THSD4: variants seen among roughly 807,000 people sequenced by gnomAD.
THSD4 encodes thrombospondin type-1 domain-containing protein 4.
Under a neutral mutation model 119.0 loss-of-function variants are expected in THSD4, and 69 were observed. The observed-to-expected ratio is 0.58, with a 90% CI of 0.48 to 0.71. The LOEUF (loss-of-function observed/expected upper bound fraction) is 0.71. Among genes scored for constraint, THSD4 ranks in the 30% least tolerant of loss-of-function variants. The pLI is 0.00. For missense variants in THSD4, 1,393 were observed against 1,391.1 expected (o/e 1.00, Z -0.02); for synonymous variants, 524 against 540.4 (o/e 0.97, Z 0.42).
intron 7 of THSD4, chr15:71,547,297 G>C: frequency 6.6e-7 from 1 of 1,508,668 alleles, no homozygotes; most frequent in Non-Finnish European, 8.9e-7. Context: ...GGGAACCAGC[G>C]CGGTGCCTAG....
At chr15:71,308,160 T>A (rs2045058671) in intron 6 of THSD4, among the ~76,000 whole-genome samples, 2 of 152,176 alleles carry the variant, frequency 1.3e-5, no homozygotes, top group South Asian at 4.2e-4. Flanking sequence ...AAAACACTCT[T>A]ATCAGGACAG....
intron 7 of THSD4, among the ~76,000 whole-genome samples, chr15:71,423,509 TG>T (rs1373193075): frequency 6.6e-6 from 1 of 152,178 alleles, no homozygotes; most frequent in African/African-American, 2.4e-5. Flanking sequence ...CGGCCTGGAA[TG>T]GGGGCCTCAG....
intron 14 of THSD4, among the ~76,000 whole-genome samples, chr15:71,749,165 C>T (rs767229586): frequency 5.9e-4 from 90 of 152,244 alleles, no homozygotes; most frequent in Admixed American, 1.4e-3. Context: ...ATGTTGGTTA[C>T]ACAACAGCAT....
At chr15:71,402,893 T>A (rs1284593754) in intron 6 of THSD4, among the ~76,000 whole-genome samples, 1 of 152,222 alleles carries the variant, frequency 6.6e-6, no homozygotes, top group East Asian at 1.9e-4. Context: ...TTAATACCTT[T>A]TGGTTTTTAG....
At chr15:71,111,016 C>T (rs764691162), upstream of THSD4, 34 of 980,822 alleles carry the variant, frequency 3.5e-5, no homozygotes, top group Non-Finnish European at 5.1e-5. Context: ...GTCTGCATGT[C>T]CTAAGGAGAA....
intron 6 of THSD4, chr15:71,343,017 T>A (rs1309935115): frequency 6.6e-6 from 1 of 152,284 alleles, no homozygotes; most frequent in East Asian, 1.9e-4. Context: ...AGAGCCTTTG[T>A]GCTTACTGGG....
chr15:71,249,584 T>C (rs1195313102), intron 5 of THSD4, among the ~76,000 whole-genome samples: 2 of 150,710 alleles, frequency 1.3e-5, no homozygotes, highest in East Asian at 2.0e-4. Flanking sequence ...TAGAAAGTTG[T>C]TCTCTTATTG....
chr15:71,432,373 C>T (rs2140535272), intron 7 of THSD4, among the ~76,000 whole-genome samples: 1 of 152,282 alleles, frequency 6.6e-6, no homozygotes, highest in South Asian at 2.1e-4. Flanking sequence ...CATTGTGAAA[C>T]AATCATTTGT....
At chr15:71,692,119 A>G (rs1451112396) in intron 8 of THSD4, among the ~76,000 whole-genome samples, 1 of 152,244 alleles carries the variant, frequency 6.6e-6, no homozygotes, top group Non-Finnish European at 1.5e-5. Context: ...AATTAGTTTA[A>G]GAGTAACAAA....
At chr15:71,588,490 C>G (rs766740214) in intron 7 of THSD4, among the ~76,000 whole-genome samples, 1 of 151,918 alleles carries the variant, frequency 6.6e-6, no homozygotes, top group Non-Finnish European at 1.5e-5. Context: ...GTGATGCAGT[C>G]TCTGCTTACC....
At chr15:71,513,231 T>G (rs1427314228) in intron 7 of THSD4, among the ~76,000 whole-genome samples, 1 of 152,212 alleles carries the variant, frequency 6.6e-6, no homozygotes, top group African/African-American at 2.4e-5. Context: ...TTAGCCTCAG[T>G]TTTACTGTTC....
At chr15:71,634,198 A>G (rs4777422) in intron 7 of THSD4, among the ~76,000 whole-genome samples, 37,794 of 147,196 alleles carry the variant, frequency 0.26, 5,565 homozygotes, top group East Asian at 0.62. Context: ...AAAAAAAAAA[A>G]AAAAAGAAAA....
intron 6 of THSD4, among the ~76,000 whole-genome samples, chr15:71,350,856 CTT>C (rs2045734965): frequency 6.6e-6 from 1 of 152,198 alleles, no homozygotes; most frequent in African/African-American, 2.4e-5. Flanking sequence ...CGTGGCCACA[CTT>C]TTGTATTAAG....
At chr15:71,186,274 G>A (rs2043602113) in intron 3 of THSD4, 3 of 152,232 alleles carry the variant, frequency 2.0e-5, no homozygotes, top group Admixed American at 2.0e-4. Flanking sequence ...GGAAATGGAT[G>A]AGATGACCTT....
intron 8 of THSD4, among the ~76,000 whole-genome samples, chr15:71,695,365 G>C (rs2052141922): frequency 6.6e-6 from 1 of 151,872 alleles, no homozygotes; most frequent in Admixed American, 6.6e-5. Context: ...ATGTATGAGT[G>C]TGTGTGTATG....
chr15:71,735,694 GTCTCTGTCTCTCTTGC>G (rs1255194731), intron 10 of THSD4, among the ~76,000 whole-genome samples: 6 of 132,902 alleles, frequency 4.5e-5, no homozygotes, highest in East Asian at 2.4e-4. Flanking sequence ...TTCTGTCTCT[GTCTCTGTCTCTCTTGC>G]TCTCTGTCTC....
At chr15:71,443,290 C>G (rs553999885) in intron 7 of THSD4, among the ~76,000 whole-genome samples, 243 of 152,298 alleles carry the variant, frequency 1.6e-3, no homozygotes, top group African/African-American at 5.6e-3. Context: ...CTCCCCTTCT[C>G]TGGCCTCCCT....
At chr15:71,123,999 G>GA (rs1465088949) in intron 1 of THSD4, among the ~76,000 whole-genome samples, 2 of 152,184 alleles carry the variant, frequency 1.3e-5, no homozygotes, top group Non-Finnish European at 1.5e-5. Flanking sequence ...GGTATCTCGT[G>GA]ATGCTTTTTT....
At position 71,682,915 on chromosome 15, in the gene THSD4, T is replaced by C. The variant is rs2051822168; in HGVS notation, c.1357+22181T>C. 8.0e-5 allele frequency among the ~76,000 whole-genome samples: 8 copies of C among 100,252 alleles called. 1 individual carries two copies. The highest frequency in any genetic ancestry group is 2.8e-4 in the African/African-American group (6 of 21,178). 65.8% of individuals were successfully genotyped at this position (100,252 alleles called of 152,430 possible). A position where few individuals can be genotyped will look rare whatever the true frequency, so the allele number is the denominator to read the frequency against. On this transcript the variant is annotated intron_variant, in intron 8 of 17. Coordinates refer to ENST00000261862, the MANE Select transcript of THSD4 (RefSeq NM_024817.3). ...TTCTTTCTTTCTTTCTTTCTTCTTC[T>C]TCTTCTTTTTTTTTTTTTTTTTTTG...
Sources: allele counts gnomAD v4.1 joint callset (sites outside exome capture counted in the v4.1 genomes callset), GRCh38; gene constraint gnomAD v4.1.1; transcripts MANE v1.5; gene names NCBI Gene and HGNC (gene_info 2026-07-23, HGNC 2026-07-21).